The following ERI1 variants were observed in gnomAD, a reference collection of about 807,000 sequenced individuals.
The protein encoded by ERI1 is exoribonuclease 1.
A neutral mutation model predicts 39.7 loss-of-function variants in ERI1; 39 were observed. The observed-to-expected ratio is 0.98, with a 90% CI of 0.76 to 1.28. ERI1 has a LOEUF of 1.28. Ranked by LOEUF, ERI1 falls within the 50% of genes most tolerant of loss-of-function variation. ERI1 has a pLI of 0.00. For missense variants in ERI1, 581 were observed against 416.9 expected, an observed-to-expected ratio of 1.39 and a Z score of -3.43; for synonymous variants, 204 against 149.6, an observed-to-expected ratio of 1.36 and a Z score of -2.65.
At chr8:9,084,875 G>T (rs771743735) in intron 3 of ERI1, among the ~76,000 whole-genome samples, 1 of 152,134 alleles carries the variant, frequency 6.6e-6, no homozygotes, top group Non-Finnish European at 1.5e-5. Context: ...CACTTCAGTC[G>T]CTCAGGAGAA....
intron 3 of ERI1, among the ~76,000 whole-genome samples, chr8:9,069,803 T>C (rs1798991554): frequency 6.6e-6 from 1 of 152,378 alleles, no homozygotes; most frequent in East Asian, 1.9e-4. Flanking sequence ...GGAGGAATTA[T>C]AGAGAAGGAA....
intron 3 of ERI1, among the ~76,000 whole-genome samples, chr8:9,078,633 T>G (rs1799277905): frequency 6.6e-6 from 1 of 152,166 alleles, no homozygotes; most frequent in African/African-American, 2.4e-5. Flanking sequence ...ACTGCAGCCT[T>G]GTGGAAGCCA....
intron 6 of ERI1, among the ~76,000 whole-genome samples, chr8:9,026,576 C>T (rs1222839720): frequency 6.6e-6 from 1 of 152,084 alleles, no homozygotes; most frequent in Non-Finnish European, 1.5e-5. Context: ...CTTTCTGAGG[C>T]AGAATAAGAA....
chr8:9,068,655 G>T (rs1210573719), intron 3 of ERI1, among the ~76,000 whole-genome samples: 2 of 152,072 alleles, frequency 1.3e-5, no homozygotes, highest in African/African-American at 4.8e-5. Flanking sequence ...AGGATGCATT[G>T]TGTCTGAGTT....
At chr8:9,046,513 G>C (rs112008119) in intron 3 of ERI1, among the ~76,000 whole-genome samples, 1 of 152,166 alleles carries the variant, frequency 6.6e-6, no homozygotes, top group African/African-American at 2.4e-5. Flanking sequence ...GACAGCACAA[G>C]TTGGTTTCTG....
downstream of ERI1, among the ~76,000 whole-genome samples, chr8:9,038,010 A>C (rs1313546819): frequency 6.6e-6 from 1 of 152,016 alleles, no homozygotes; most frequent in South Asian, 2.1e-4. Flanking sequence ...ACTCCCTAAT[A>C]CTTGAAAAAA....
At chr8:9,096,584 C>T (rs948276807) in intron 3 of ERI1, among the ~76,000 whole-genome samples, 1 of 151,912 alleles carries the variant, frequency 6.6e-6, no homozygotes, top group Admixed American at 6.6e-5. Flanking sequence ...GGGCTGACCT[C>T]GGAAGTGTGG....
In ERI1 at chr8:9,029,746, A is replaced by T. The variant is rs112620457; in HGVS notation, c.808-46A>T. The T allele has an allele frequency of 7.1e-4, 1,145 of 1,606,338 alleles. 3 individuals are homozygous for T. The African/African-American group carries it at 7.8e-3, about 11-fold the overall frequency. On this transcript the variant is annotated intron_variant, in intron 6 of 6. Transcript: ENST00000250263. ...TCATCTTAACTGTGGCTTATATTAC[A>T]GTTTAGAACACCAAAGAATTATTTA...
chr8:9,007,908 A>G, intron 1 of ERI1, 62 bp from the exon 2 acceptor site: 2 of 1,496,886 alleles, frequency 1.3e-6, no homozygotes, highest in African/African-American at 1.5e-5. Context: ...TAAATCTGTG[A>G]TGTTTGTACT....
At chr8:9,089,652 G>A (rs866160068) in intron 3 of ERI1, among the ~76,000 whole-genome samples, 15 of 152,008 alleles carry the variant, frequency 9.9e-5, no homozygotes, top group Middle Eastern at 6.8e-3. Context: ...AGTCCTGCCC[G>A]GAGCCCACAG....
intron 3 of ERI1, chr8:9,062,670 C>T (rs1239407080): frequency 6.6e-6 from 1 of 150,632 alleles, no homozygotes; most frequent in Non-Finnish European, 1.5e-5. Context: ...GTCCTGTAGG[C>T]TTCCGAGGCA....
chr8:9,028,139 G>GGA (rs1563335158), intron 6 of ERI1, among the ~76,000 whole-genome samples: 1 of 152,170 alleles, frequency 6.6e-6, no homozygotes, highest in Non-Finnish European at 1.5e-5. Context: ...AGTAGTTTGA[G>GGA]GAGACTTGGT....
chr8:9,028,541 A>C (rs1490471053), intron 6 of ERI1, among the ~76,000 whole-genome samples: 1 of 152,266 alleles, frequency 6.6e-6, no homozygotes, highest in Non-Finnish European at 1.5e-5. Context: ...CTGAGGTCCA[A>C]GATGCATAGG....
At chr8:9,028,928 A>AT (rs34291983) in intron 6 of ERI1, among the ~76,000 whole-genome samples, 1 of 150,842 alleles carries the variant, frequency 6.6e-6, no homozygotes, top group South Asian at 2.1e-4. Context: ...CCAGCCAATA[A>AT]TTCTTAAAAG....
At chr8:9,045,831 C>G (rs1238873830) in intron 3 of ERI1, among the ~76,000 whole-genome samples, 1 of 151,772 alleles carries the variant, frequency 6.6e-6, no homozygotes, top group Non-Finnish European at 1.5e-5. Flanking sequence ...CATGCATCAC[C>G]ACGCCTGGCT....
intron 3 of ERI1, among the ~76,000 whole-genome samples, chr8:9,062,319 A>G (rs1374348042): frequency 6.6e-6 from 1 of 151,874 alleles, no homozygotes; most frequent in East Asian, 2.0e-4. Flanking sequence ...AATGCGAAGG[A>G]GGCTTTGAAC....
At chr8:9,024,066 C>G (rs899868983) in intron 6 of ERI1, among the ~76,000 whole-genome samples, 2 of 152,126 alleles carry the variant, frequency 1.3e-5, no homozygotes, top group African/African-American at 4.8e-5. Flanking sequence ...GTCCAAAGTG[C>G]TGGAATTATA....
At chr8:9,088,770 C>A (rs1452110870) in intron 3 of ERI1, among the ~76,000 whole-genome samples, 5 of 152,190 alleles carry the variant, frequency 3.3e-5, no homozygotes, top group African/African-American at 1.2e-4. Flanking sequence ...TTCAGAGAAT[C>A]CACCTCATTG....
chr8:9,054,117 C>G (rs996061850), intron 3 of ERI1, among the ~76,000 whole-genome samples: 2 of 152,170 alleles, frequency 1.3e-5, no homozygotes, highest in African/African-American at 4.8e-5. Flanking sequence ...GATGGTCCAA[C>G]TCTTTTACCA....
Sources: gnomAD v4.1 joint callset for allele counts (sites outside exome capture counted in the v4.1 genomes callset) on GRCh38, gnomAD v4.1.1 for gene constraint, MANE v1.5 for transcripts, NCBI Gene and HGNC (gene_info 2026-07-23, HGNC 2026-07-21) for gene names.